FOXP2: variants seen among roughly 807,000 people sequenced by gnomAD.
FOXP2 encodes the protein forkhead box protein P2.
A neutral mutation model predicts 115.8 loss-of-function variants in FOXP2; 12 were observed. The ratio of observed to expected loss-of-function variants is 0.10; its 90% confidence interval spans 0.07 to 0.17. The LOEUF is 0.17. Among genes scored for constraint, FOXP2 ranks in the 10% least tolerant of loss-of-function variants. The pLI, the probability that FOXP2 is intolerant of heterozygous loss-of-function variation, is 1.00. For missense variants in FOXP2, 629 were observed against 843.5 expected (o/e 0.75, Z 3.15); for synonymous variants, 328 against 297.7 (o/e 1.10, Z -1.05).
At chr7:114,214,913 T>A (rs933304176) in intron 1 of FOXP2, among the ~76,000 whole-genome samples, 1 of 152,204 alleles carries the variant, frequency 6.6e-6, no homozygotes, top group African/African-American at 2.4e-5. Flanking sequence ...GCTATTTCTT[T>A]TGGTCTAAGC....
At chr7:114,385,639 G>A (rs1040632397) in intron 2 of FOXP2, among the ~76,000 whole-genome samples, 3 of 152,176 alleles carry the variant, frequency 2.0e-5, no homozygotes, top group East Asian at 3.8e-4. Flanking sequence ...TAAGTTCGGC[G>A]ACCATGCTAA....
intron 1 of FOXP2, among the ~76,000 whole-genome samples, chr7:114,204,697 ATTGT>A (rs914945909): frequency 1.3e-5 from 2 of 152,166 alleles, no homozygotes; most frequent in Non-Finnish European, 2.9e-5. Flanking sequence ...TTGTGACAAA[ATTGT>A]TTGTCACAGT....
chr7:114,139,981 C>T (rs763654438), intron 1 of FOXP2, among the ~76,000 whole-genome samples: 5 of 151,964 alleles, frequency 3.3e-5, no homozygotes, highest in Non-Finnish European at 7.4e-5. Context: ...AGCGTGGTGG[C>T]AGGCGCCTGT....
chr7:114,280,116 ATAAAT>A (rs1258088895), intron 1 of FOXP2, among the ~76,000 whole-genome samples: 3 of 151,546 alleles, frequency 2.0e-5, no homozygotes, highest in African/African-American at 7.3e-5. Flanking sequence ...AAATAAATAA[ATAAAT>A]AAAAACAGGT....
At chr7:114,298,906 G>T (rs757354536) in intron 2 of FOXP2, among the ~76,000 whole-genome samples, 7 of 152,062 alleles carry the variant, frequency 4.6e-5, no homozygotes, top group Admixed American at 1.3e-4. Context: ...TCAAATAGAG[G>T]CACGTGGAGT....
At chr7:114,634,788 G>A in intron 6 of FOXP2, among the ~76,000 whole-genome samples, 1 of 151,884 alleles carries the variant, frequency 6.6e-6, no homozygotes, top group East Asian at 1.9e-4. Context: ...AATGAACCAG[G>A]ATAATTGTCT....
chr7:114,117,267 G>C (rs1261429605), intron 1 of FOXP2, among the ~76,000 whole-genome samples: 1 of 151,152 alleles, frequency 6.6e-6, no homozygotes, highest in Non-Finnish European at 1.5e-5. Flanking sequence ...TGTTGTCCAG[G>C]GTGGAGTGCA....
intron 1 of FOXP2, among the ~76,000 whole-genome samples, chr7:114,171,844 T>C (rs979213064): frequency 1.3e-5 from 2 of 152,196 alleles, no homozygotes; most frequent in African/African-American, 4.8e-5. Flanking sequence ...AAAACATTCA[T>C]AGTTCATGAA....
At chr7:114,490,948 T>C (rs1477477907) in intron 2 of FOXP2, among the ~76,000 whole-genome samples, 1 of 152,216 alleles carries the variant, frequency 6.6e-6, no homozygotes. Context: ...CTATTGTGAA[T>C]AGTGCCGTAA....
At chr7:114,401,602 C>T (rs950713321) in intron 2 of FOXP2, among the ~76,000 whole-genome samples, 6 of 152,114 alleles carry the variant, frequency 3.9e-5, no homozygotes, top group East Asian at 1.9e-4. Flanking sequence ...TTCAGTTTGG[C>T]GATTTATTTT....
At chr7:114,661,988 C>A in intron 13 of FOXP2, 77 bp from the exon 14 acceptor site, 1 of 1,547,274 alleles carries the variant, frequency 6.5e-7, no homozygotes, top group Non-Finnish European at 8.9e-7. Context: ...TAAGTAAGAT[C>A]AATAATGTAG....
intron 1 of FOXP2, among the ~76,000 whole-genome samples, chr7:114,101,887 C>T (rs1039237968): frequency 7.1e-6 from 1 of 141,792 alleles, no homozygotes; most frequent in African/African-American, 2.7e-5. Flanking sequence ...TTTTCCATTT[C>T]GCTTCAACAT....
chr7:114,635,007 A>G (rs1476713624), intron 6 of FOXP2, among the ~76,000 whole-genome samples: 2 of 152,172 alleles, frequency 1.3e-5, no homozygotes, highest in East Asian at 1.9e-4. Context: ...TTCCTTTCCA[A>G]TTTGAGAGAC....
chr7:114,439,723 G>A (rs778489830), intron 2 of FOXP2, among the ~76,000 whole-genome samples: 5 of 151,368 alleles, frequency 3.3e-5, no homozygotes, highest in Non-Finnish European at 5.9e-5. Flanking sequence ...AATTTTTTTT[G>A]TGTGTATATA....
intron 2 of FOXP2, among the ~76,000 whole-genome samples, chr7:114,431,950 C>A (rs1794131352): frequency 6.6e-6 from 1 of 151,864 alleles, no homozygotes; most frequent in Non-Finnish European, 1.5e-5. Context: ...TCTGACTGTA[C>A]AGTCATAATT....
At chr7:114,428,365 C>A in intron 2 of FOXP2, among the ~76,000 whole-genome samples, 1 of 151,440 alleles carries the variant, frequency 6.6e-6, no homozygotes, top group Non-Finnish European at 1.5e-5. Context: ...TTGATTAGGT[C>A]TATAAGGTGT....
At chr7:114,517,278 AT>A (rs1798391900) in intron 2 of FOXP2, among the ~76,000 whole-genome samples, 1 of 152,078 alleles carries the variant, frequency 6.6e-6, no homozygotes, top group Non-Finnish European at 1.5e-5. Context: ...TTGCAAATAT[AT>A]TCTCCCATTC....
intron 2 of FOXP2, among the ~76,000 whole-genome samples, chr7:114,489,616 CCAGAAAGGCACACATA>C (rs1423550268): frequency 6.6e-6 from 1 of 151,822 alleles, no homozygotes; most frequent in African/African-American, 2.4e-5. Flanking sequence ...GTAGCAGAAA[CCAGAAAGGCACACATA>C]CCTTGTTGCC....
intron 1 of FOXP2, among the ~76,000 whole-genome samples, chr7:114,192,927 T>A (rs928320785): frequency 6.6e-6 from 1 of 152,184 alleles, no homozygotes; most frequent in African/African-American, 2.4e-5. Flanking sequence ...GATGTTTTAT[T>A]TGCTTTATAT....
Sources: gnomAD v4.1 joint callset for allele counts (sites outside exome capture counted in the v4.1 genomes callset) on GRCh38, gnomAD v4.1.1 for gene constraint, MANE v1.5 for transcripts, NCBI Gene and HGNC (gene_info 2026-07-23, HGNC 2026-07-21) for gene names.